TSPEAR: variants seen among roughly 807,000 people sequenced by gnomAD.
TSPEAR encodes thrombospondin type laminin G domain and EAR repeats, also known as thrombospondin-type laminin G domain and EAR repeat-containing protein.
A neutral mutation model predicts 71.6 loss-of-function variants in TSPEAR; 69 were observed. The observed-to-expected ratio is 0.96, with a 90% confidence interval of 0.79 to 1.18. TSPEAR has a LOEUF of 1.18. Ranked by LOEUF, TSPEAR falls within the 50% of genes most tolerant of loss-of-function variation. The pLI, the probability that TSPEAR is intolerant of heterozygous loss-of-function variation, is 0.00. For missense variants in TSPEAR, 971 were observed against 894.9 expected, an observed-to-expected ratio of 1.09 and a Z score of -1.09; for synonymous variants, 402 against 387.2, an observed-to-expected ratio of 1.04 and a Z score of -0.45.
chr21:44,579,530 G>A (rs1295950906), intron 1 of TSPEAR: 3 of 599,566 alleles, frequency 5.0e-6, no homozygotes, highest in African/African-American at 3.7e-5. Context: ...AGTGACATGG[G>A]GCAGAGAAGC....
Position 44,541,283 on chromosome 21 carries a change from A to G in TSPEAR, c.304-7360T>C, listed in dbSNP as rs2053218706. 2.0e-5 allele frequency among the ~76,000 whole-genome samples: 3 copies of G among 152,218 alleles called. No individual in the cohort carries two copies. The South Asian group carries it at 6.2e-4, about 32-fold the overall frequency. On this transcript the variant is annotated intron_variant, in intron 2 of 11. Transcript: ENST00000323084. ...AATAATAAACTTTTTTGGAGAAATT[A>G]TTGAAGAGTAATTTTGAGCTCTGAA...
chr21:44,638,338 T>A (rs117595201), intron 1 of TSPEAR: 34,347 of 289,394 alleles, frequency 0.12, 12,928 homozygotes, highest in South Asian at 0.35. Context: ...TGGCTGCCTG[T>A]GGGACCCCAG....
intron 1 of TSPEAR, chr21:44,681,633 C>T: frequency 3.2e-6 from 2 of 627,958 alleles, no homozygotes; most frequent in South Asian, 3.1e-5. Context: ...GACTCTGGGA[C>T]CCCAGACTTC....
intron 10 of TSPEAR, chr21:44,508,863 C>T (rs2052271742): frequency 2.1e-6 from 3 of 1,419,320 alleles, no homozygotes; most frequent in Non-Finnish European, 2.8e-6. Flanking sequence ...CCCTCTGGGG[C>T]CTCGGCTATC....
chr21:44,680,522 T>A (rs1023526353), intron 1 of TSPEAR, among the ~76,000 whole-genome samples: 2 of 152,170 alleles, frequency 1.3e-5, no homozygotes, highest in Admixed American at 1.3e-4. Context: ...TACCATACTA[T>A]CCAGCAATCC....
rs1360109180 is a variant in TSPEAR at position 44,546,902 on chromosome 21, T to C, written c.304-12979A>G. Among the ~76,000 whole-genome samples, 1 of 152,150 alleles carries C rather than the reference T, an allele frequency of 6.6e-6. No homozygotes were observed. The highest frequency in any genetic ancestry group is 1.5e-5 in the Non-Finnish European group (1 of 68,028). On this transcript the variant is annotated intron_variant, in intron 2 of 11. Transcript: ENST00000323084. The surrounding 1 kb of genome is among the most constrained non-coding windows in gnomAD (Gnocchi z 4.4). Reference sequence around the variant, plus strand: ...TCACTGAGTGGCTTGAATGTGTAGATTGGTATGTCTTCTCAATTTGGGAAG... The same window carrying C: ...TCACTGAGTGGCTTGAATGTGTAGACTGGTATGTCTTCTCAATTTGGGAAG...
intron 1 of TSPEAR, among the ~76,000 whole-genome samples, chr21:44,701,834 G>A (rs1053796812): frequency 1.3e-5 from 2 of 151,814 alleles, no homozygotes; most frequent in South Asian, 2.1e-4. Context: ...TCCCCGTCCC[G>A]GGGTTGGGAC....
At chr21:44,570,851 G>A (rs1466053986) in intron 1 of TSPEAR, among the ~76,000 whole-genome samples, 1 of 152,194 alleles carries the variant, frequency 6.6e-6, no homozygotes, top group African/African-American at 2.4e-5. Flanking sequence ...GCTGATAAGG[G>A]AACTCCATAA....
At chr21:44,644,260 T>A (rs1729756259) in intron 1 of TSPEAR, among the ~76,000 whole-genome samples, 2 of 152,206 alleles carry the variant, frequency 1.3e-5, no homozygotes, top group East Asian at 3.8e-4. Flanking sequence ...TTGCACCTCA[T>A]GTTGTGGCTG....
chr21:44,521,847 G>C, intron 9 of TSPEAR, 36 bp downstream of exon 9: 1 of 1,587,778 alleles, frequency 6.3e-7, no homozygotes, highest in Non-Finnish European at 8.6e-7. Flanking sequence ...GCAGTGGCCA[G>C]CAATGGAGAG....
chr21:44,569,079 C>T (rs1417282032), intron 1 of TSPEAR, among the ~76,000 whole-genome samples: 1 of 152,202 alleles, frequency 6.6e-6, no homozygotes, highest in African/African-American at 2.4e-5. Context: ...GGACTCCACT[C>T]CAGGCCAGGA....
chr21:44,499,554 TCTGC>T lies in TSPEAR; in HGVS notation c.*225_*228del, dbSNP rs1440838601. On this transcript the variant is annotated 3_prime_UTR_variant, in exon 12 of 12. Coordinates refer to ENST00000323084, the MANE Select transcript of TSPEAR (RefSeq NM_144991.3). ...CGAGCACTGGCAGGGGCTCTGGGCC[TCTGC>T]CTGCAAGACCAGACCGTCACTGGGG... 63 of 512,828 alleles carry T rather than the reference TCTGC, an allele frequency of 1.2e-4. No individual in the cohort carries two copies. In the Middle Eastern group the frequency reaches 1.5e-3, roughly 12 times the overall value. 31.8% of individuals were successfully genotyped at this position (512,828 alleles called of 1,614,324 possible). A position where few individuals can be genotyped will look rare whatever the true frequency, so the allele number is the denominator to read the frequency against.
chr21:44,607,562 C>T (rs374697624), intron 1 of TSPEAR, among the ~76,000 whole-genome samples: 27 of 152,126 alleles, frequency 1.8e-4, no homozygotes, highest in African/African-American at 6.3e-4. Flanking sequence ...GCAAAGACTT[C>T]GGGAACGGGG....
At chr21:44,615,560 T>TTTTTTG (rs1569221125) in intron 1 of TSPEAR, among the ~76,000 whole-genome samples, 2 of 146,782 alleles carry the variant, frequency 1.4e-5, no homozygotes, top group African/African-American at 5.3e-5. Flanking sequence ...TTTTTTTTTT[T>TTTTTTG]TTTTTAAATT....
At chr21:44,616,581 C>T (rs1369068980) in intron 1 of TSPEAR, among the ~76,000 whole-genome samples, 2 of 152,250 alleles carry the variant, frequency 1.3e-5, no homozygotes, top group African/African-American at 4.8e-5. Context: ...CTCCACCTCC[C>T]ACAACTCCAG....
intron 1 of TSPEAR, among the ~76,000 whole-genome samples, chr21:44,614,929 CT>C (rs1555932094): frequency 6.6e-6 from 1 of 152,176 alleles, no homozygotes; most frequent in Non-Finnish European, 1.5e-5. Flanking sequence ...ATCGGCACCC[CT>C]GGAAGGCAGG....
At chr21:44,614,009 T>C (rs1981904636) in intron 1 of TSPEAR, among the ~76,000 whole-genome samples, 1 of 151,754 alleles carries the variant, frequency 6.6e-6, no homozygotes, top group Non-Finnish European at 1.5e-5. Flanking sequence ...CCCAGCGGCA[T>C]AGGGACTGCC....
chr21:44,596,038 T>C (rs1234965595), intron 1 of TSPEAR, among the ~76,000 whole-genome samples: 1 of 152,152 alleles, frequency 6.6e-6, no homozygotes, highest in Non-Finnish European at 1.5e-5. Context: ...ACAGTTAAAT[T>C]GGGGTCTCTG....
chr21:44,510,506 G>A (rs1256774815), intron 9 of TSPEAR, among the ~76,000 whole-genome samples: 1 of 152,220 alleles, frequency 6.6e-6, no homozygotes, highest in Non-Finnish European at 1.5e-5. Context: ...CCTGCCCTCC[G>A]CAGCAGGTCA....
Sources: allele counts gnomAD v4.1 joint callset (sites outside exome capture counted in the v4.1 genomes callset), GRCh38; gene constraint gnomAD v4.1.1; non-coding constraint Gnocchi (gnomAD v3.1); transcripts MANE v1.5; gene names NCBI Gene and HGNC (gene_info 2026-07-23, HGNC 2026-07-21).